Variants in ACBD6 observed in about 807,000 individuals in gnomAD.
ACBD6 encodes the protein acyl-CoA binding domain containing 6, also known as acyl-CoA-binding domain-containing protein 6.
In ACBD6, 28 loss-of-function variants were observed where a neutral mutation model predicts 37.2. The observed-to-expected ratio is 0.75, with a 90% confidence interval of 0.56 to 1.03. The LOEUF (loss-of-function observed/expected upper bound fraction) is 1.03, where lower values mean the gene tolerates loss of function less well. ACBD6 is among the 50% of genes least tolerant of loss of function. The pLI, the probability that ACBD6 is intolerant of heterozygous loss-of-function variation, is 0.00. For synonymous variants in ACBD6, 113 were observed against 126.8 expected, an observed-to-expected ratio of 0.89 and a Z score of 0.73; for missense variants, 340 against 337.4, an observed-to-expected ratio of 1.01 and a Z score of -0.06.
At chr1:180,383,873 T>C (rs1330382491) in intron 6 of ACBD6, among the ~76,000 whole-genome samples, 4 of 152,118 alleles carry the variant, frequency 2.6e-5, no homozygotes, top group African/African-American at 9.7e-5. Context: ...TCTAGGTATT[T>C]AGAGTCAACT....
chr1:180,490,694 G>A (rs1347728097), intron 3 of ACBD6, among the ~76,000 whole-genome samples: 3 of 151,332 alleles, frequency 2.0e-5, no homozygotes, highest in Admixed American at 6.6e-5. Flanking sequence ...GCTGAGGCAG[G>A]AGAATGGCGG....
chr1:180,315,953 A>G (rs1425480834), intron 6 of ACBD6, among the ~76,000 whole-genome samples: 1 of 152,164 alleles, frequency 6.6e-6, no homozygotes, highest in Non-Finnish European at 1.5e-5. Context: ...AAGCATCATA[A>G]AGATAATAAA....
chr1:180,479,013 G>C (rs1650914792), intron 3 of ACBD6, among the ~76,000 whole-genome samples: 1 of 152,112 alleles, frequency 6.6e-6, no homozygotes, highest in Non-Finnish European at 1.5e-5. Context: ...CACACCTGTA[G>C]TCCCAGCTAC....
At chr1:180,372,817 T>C (rs1290230525) in intron 6 of ACBD6, among the ~76,000 whole-genome samples, 1 of 152,224 alleles carries the variant, frequency 6.6e-6, no homozygotes, top group Non-Finnish European at 1.5e-5. Flanking sequence ...AACCATGGCA[T>C]GCTCAAGACT....
At chr1:180,417,430 G>T (rs1648145968) in intron 4 of ACBD6, among the ~76,000 whole-genome samples, 1 of 152,158 alleles carries the variant, frequency 6.6e-6, no homozygotes, top group Admixed American at 6.5e-5. Context: ...GAGAAAGACA[G>T]TTCATTCATG....
At chr1:180,424,258 T>C (rs1429982713) in intron 4 of ACBD6, among the ~76,000 whole-genome samples, 1 of 152,144 alleles carries the variant, frequency 6.6e-6, no homozygotes, top group African/African-American at 2.4e-5. Flanking sequence ...CATCTATATT[T>C]AATAGGGTCA....
intron 3 of ACBD6, among the ~76,000 whole-genome samples, chr1:180,473,834 C>T (rs1054162595): frequency 3.9e-5 from 6 of 152,164 alleles, no homozygotes; most frequent in African/African-American, 1.4e-4. Flanking sequence ...TATACACACA[C>T]ACATAAACAT....
intron 6 of ACBD6, among the ~76,000 whole-genome samples, chr1:180,347,710 G>C (rs1453496742): frequency 6.6e-6 from 1 of 152,122 alleles, no homozygotes; most frequent in Non-Finnish European, 1.5e-5. Flanking sequence ...GGTGGCTCAC[G>C]TCTGTAATCC....
At chr1:180,371,890 G>C (rs1653277629) in intron 6 of ACBD6, among the ~76,000 whole-genome samples, 1 of 152,170 alleles carries the variant, frequency 6.6e-6, no homozygotes, top group Non-Finnish European at 1.5e-5. Context: ...GTTTGGACTA[G>C]TGAAGTATCA....
At chr1:180,278,902 C>CGTTT (rs1369415220) in intron 9 of ACBD6, 14 of 151,974 alleles carry the variant, frequency 9.2e-5, no homozygotes, top group African/African-American at 3.4e-4. Flanking sequence ...GAAGCTGGTG[C>CGTTT]GTTTGTTTGT....
intron 3 of ACBD6, among the ~76,000 whole-genome samples, chr1:180,491,973 C>G (rs1651521431): frequency 6.6e-6 from 1 of 152,064 alleles, no homozygotes; most frequent in South Asian, 2.1e-4. Context: ...CCACGTCCAG[C>G]TAATTTTTGT....
intron 6 of ACBD6, among the ~76,000 whole-genome samples, chr1:180,366,988 A>T (rs539837288): frequency 6.6e-6 from 1 of 152,328 alleles, no homozygotes; most frequent in East Asian, 1.9e-4. Context: ...TGTGTCCTCA[A>T]GCAATTCACA....
chr1:180,324,645 G>A (rs1203815330), intron 6 of ACBD6, among the ~76,000 whole-genome samples: 1 of 152,136 alleles, frequency 6.6e-6, no homozygotes, highest in Non-Finnish European at 1.5e-5. Context: ...CATAATTACA[G>A]TGTTATAATA....
intron 6 of ACBD6, among the ~76,000 whole-genome samples, chr1:180,384,186 T>C (rs1337898309): frequency 1.3e-5 from 2 of 151,432 alleles, no homozygotes; most frequent in African/African-American, 4.8e-5. Context: ...CTACAAAGCT[T>C]CTGCACAGCA....
At chr1:180,377,498 A>G (rs1185582155) in intron 6 of ACBD6, among the ~76,000 whole-genome samples, 2 of 152,236 alleles carry the variant, frequency 1.3e-5, no homozygotes, top group Non-Finnish European at 2.9e-5. Context: ...TAGGGAAAAT[A>G]TAAGATGAAC....
chr1:180,355,645 T>C (rs1652595836), intron 6 of ACBD6, among the ~76,000 whole-genome samples: 1 of 152,176 alleles, frequency 6.6e-6, no homozygotes. Flanking sequence ...TTCTTTCTTT[T>C]TCCACAGTAA....
At chr1:180,280,921 A>C (rs946784087) in intron 9 of ACBD6, among the ~76,000 whole-genome samples, 1 of 152,174 alleles carries the variant, frequency 6.6e-6, no homozygotes, top group Non-Finnish European at 1.5e-5. Context: ...TATGCACTAT[A>C]TACCATGTTT....
intron 3 of ACBD6, among the ~76,000 whole-genome samples, chr1:180,459,626 G>C (rs896065068): frequency 1.3e-5 from 2 of 152,156 alleles, no homozygotes; most frequent in African/African-American, 4.8e-5. Context: ...CACAGTAAAA[G>C]GGGTTTGGTA....
intron 1 of ACBD6, among the ~76,000 whole-genome samples, chr1:180,499,091 T>C (rs1255768987): frequency 6.6e-6 from 1 of 152,218 alleles, no homozygotes; most frequent in African/African-American, 2.4e-5. Context: ...ATGCTAAGTT[T>C]AGAGTTCTCC....
Sources: allele counts gnomAD v4.1 joint callset (sites outside exome capture counted in the v4.1 genomes callset), GRCh38; gene constraint gnomAD v4.1.1; transcripts MANE v1.5; gene names NCBI Gene and HGNC (gene_info 2026-07-23, HGNC 2026-07-21).